The following ACACA variants were observed in gnomAD, a reference collection of about 807,000 sequenced individuals.
The protein encoded by ACACA is acetyl-CoA carboxylase alpha, also known as acetyl-CoA carboxylase 1.
ACACA carries 103 observed loss-of-function variants against 296.1 expected under a neutral mutation model. The observed-to-expected ratio is 0.35, with a 90% CI of 0.30 to 0.41. The LOEUF is 0.41. Ranked by LOEUF, ACACA falls within the 10% of genes least tolerant of loss-of-function variation. ACACA has a pLI of 1.00. For synonymous variants in ACACA, 953 were observed against 1,038.6 expected, an observed-to-expected ratio of 0.92 and a Z score of 1.58; for missense variants, 1,554 against 2,989.7, an observed-to-expected ratio of 0.52 and a Z score of 11.20.
chr17:37,277,021 A>T lies in ACACA; in HGVS notation c.802+12T>A. The T allele has an allele frequency of 6.2e-7, 1 of 1,609,938 alleles. No individual in the cohort carries two copies. The highest frequency in any genetic ancestry group is 8.5e-7 in the Non-Finnish European group (1 of 1,176,132). ...GAAACAGAAAGACGGACAATATGTC[A>T]GAACAGCTTACCCATGAAGGCAATG... On this transcript the variant is annotated intron_variant, in intron 7 of 55. Transcript: ENST00000616317.
At position 37,246,727 on chromosome 17, in the gene ACACA, C is replaced by T. The variant is rs371283659; in HGVS notation, c.2460+99G>A. On this transcript the variant is annotated intron_variant, in intron 19 of 55. Coordinates refer to ENST00000616317, the MANE Select transcript of ACACA (RefSeq NM_198834.3). ...GGATTACAGGCACAAGCCACTGTGC[C>T]CAGCCTCCTTTCTGTAACTTTTCAG... 175 of 1,506,054 alleles carry T rather than the reference C, an allele frequency of 1.2e-4. No homozygotes were observed. In the African/African-American group the frequency reaches 2.0e-3, roughly 18 times the overall value. 93.3% of individuals were successfully genotyped at this position (1,506,054 alleles called of 1,614,324 possible).
intron 42 of ACACA, among the ~76,000 whole-genome samples, chr17:37,160,926 G>A (rs770196719): frequency 3.2e-4 from 49 of 152,162 alleles, no homozygotes; most frequent in Non-Finnish European, 6.3e-4. Context: ...GAGGATGGAG[G>A]GGGTAGCAAA....
At chr17:37,315,699 C>T (rs1428336805) in intron 3 of ACACA, among the ~76,000 whole-genome samples, 2 of 152,282 alleles carry the variant, frequency 1.3e-5, no homozygotes, top group East Asian at 3.9e-4. Context: ...CAGGAAGAGA[C>T]ATATAGGGCA....
At chr17:37,322,501 G>A (rs1294368064) in intron 3 of ACACA, among the ~76,000 whole-genome samples, 5 of 152,142 alleles carry the variant, frequency 3.3e-5, no homozygotes, top group African/African-American at 1.2e-4. Flanking sequence ...TCCCTGTCAA[G>A]GGCTCCACCT....
intron 18 of ACACA, 58 bp from the exon 19 acceptor site, chr17:37,247,034 T>A: frequency 2.5e-6 from 4 of 1,595,036 alleles, no homozygotes; most frequent in Non-Finnish European, 3.4e-6. Flanking sequence ...TAAAGGAGAA[T>A]GGTAGAGAAT....
chr17:37,216,149 C>CAT (rs2078975146), intron 29 of ACACA, among the ~76,000 whole-genome samples: 1 of 135,548 alleles, frequency 7.4e-6, no homozygotes, highest in Admixed American at 8.0e-5. Context: ...CACACACACA[C>CAT]ACACACACAA....
intron 54 of ACACA, among the ~76,000 whole-genome samples, chr17:37,095,363 C>T (rs12449696): frequency 0.22 from 33,156 of 152,124 alleles, 4,176 homozygotes; most frequent in Admixed American, 0.34. Context: ...AACCAAATGT[C>T]GGAGAAGGCT....
At position 37,137,456 on chromosome 17, in the gene ACACA, TA is replaced by T. The variant is rs145342297; in HGVS notation, c.5680-7239del. ...GAAAGGCCTATTATTGTCTTTTAGC[TA>T]AATTTCAGCTCCATGAAAGCAGGAA... On this transcript the variant is annotated intron_variant, in intron 45 of 55. Transcript: ENST00000616317. 8.5e-3 allele frequency among the ~76,000 whole-genome samples: 1,294 copies of T among 152,312 alleles called. 15 individuals are homozygous for T. Among genetic ancestry groups the T allele is most frequent in the African/African-American group, 0.03 (1,237 of 41,562 alleles).
chr17:37,205,642 G>A (rs2078464668), intron 33 of ACACA, 123 bp downstream of exon 33: 1 of 801,234 alleles, frequency 1.2e-6, no homozygotes, highest in Admixed American at 1.8e-5. Flanking sequence ...TGCAGAACTA[G>A]CCATAGTTCT....
At chr17:37,360,910 A>G (rs529192764) in intron 1 of ACACA, among the ~76,000 whole-genome samples, 1 of 152,278 alleles carries the variant, frequency 6.6e-6, no homozygotes, top group East Asian at 1.9e-4. Flanking sequence ...TTGCCTTTCC[A>G]TAACAGCAGT....
intron 3 of ACACA, among the ~76,000 whole-genome samples, chr17:37,306,531 G>A (rs2083894995): frequency 6.6e-6 from 1 of 151,946 alleles, no homozygotes. Context: ...AGGCTTACTT[G>A]TGTCCCTTCC....
At chr17:37,111,268 G>A (rs952265299) in intron 52 of ACACA, among the ~76,000 whole-genome samples, 1 of 152,030 alleles carries the variant, frequency 6.6e-6, no homozygotes, top group Non-Finnish European at 1.5e-5. Context: ...TCTCTACAAG[G>A]ACATCTTAGA....
chr17:37,308,861 T>C (rs1397858758), intron 3 of ACACA, among the ~76,000 whole-genome samples: 1 of 152,132 alleles, frequency 6.6e-6, no homozygotes, highest in African/African-American at 2.4e-5. Flanking sequence ...TGCTTGAACC[T>C]GAGAGGCGGA....
At chr17:37,346,949 A>G (rs1003441911) in intron 1 of ACACA, among the ~76,000 whole-genome samples, 4 of 152,086 alleles carry the variant, frequency 2.6e-5, no homozygotes, top group African/African-American at 9.7e-5. Flanking sequence ...TGCTGAAATG[A>G]GTTAAGACTT....
chr17:37,341,569 A>C (rs1352943957), intron 1 of ACACA, among the ~76,000 whole-genome samples: 1 of 151,976 alleles, frequency 6.6e-6, no homozygotes, highest in Non-Finnish European at 1.5e-5. Context: ...GTGTGCCTGT[A>C]ATCCCAGCTA....
At chr17:37,188,195 G>T in intron 39 of ACACA, 82 bp downstream of exon 39, 3 of 1,319,994 alleles carry the variant, frequency 2.3e-6, no homozygotes, top group Non-Finnish European at 3.2e-6. Context: ...GGATTTGTGA[G>T]TGTGGGTCTT....
intron 3 of ACACA, among the ~76,000 whole-genome samples, chr17:37,311,506 G>A (rs1471238737): frequency 6.6e-6 from 1 of 151,942 alleles, no homozygotes; most frequent in African/African-American, 2.4e-5. Flanking sequence ...TTTGAAATGA[G>A]GTGTTAGAAG....
rs149546569 is a variant in ACACA, at chr17:37,310,768, T to C, written c.338+19405A>G. Among the ~76,000 whole-genome samples, 21 of 123,022 alleles carry C rather than the reference T, an allele frequency of 1.7e-4. No individual in the cohort carries two copies. In the East Asian group the frequency reaches 5.0e-3, roughly 29 times the overall value. 80.7% of individuals were successfully genotyped at this position (123,022 alleles called of 152,430 possible). A position where few individuals can be genotyped will look rare whatever the true frequency, so the allele number is the denominator to read the frequency against. On this transcript the variant is annotated intron_variant, in intron 3 of 55. Transcript: ENST00000616317. ...AAGATTGCAACATTGCACTCTACCC[T>C]GGGCAACAGAGCGAGACACCATCTC...
intron 5 of ACACA, among the ~76,000 whole-genome samples, chr17:37,282,710 T>C (rs1487096037): frequency 6.6e-6 from 1 of 152,162 alleles, no homozygotes; most frequent in Non-Finnish European, 1.5e-5. Flanking sequence ...TGATAGAAGG[T>C]ATGGAGAAGA....
Sources: gnomAD v4.1 joint callset for allele counts (sites outside exome capture counted in the v4.1 genomes callset) on GRCh38, gnomAD v4.1.1 for gene constraint, MANE v1.5 for transcripts, NCBI Gene and HGNC (gene_info 2026-07-23, HGNC 2026-07-21) for gene names.